ATP1A3: variants seen among roughly 807,000 people sequenced by gnomAD.
ATP1A3 encodes the protein ATPase Na+/K+ transporting subunit alpha 3.
A neutral mutation model predicts 108.8 loss-of-function variants in ATP1A3; 12 were observed. That is an observed-to-expected ratio of 0.11 (90% CI 0.07 to 0.18). The LOEUF is 0.18. Ranked by LOEUF, ATP1A3 falls within the 10% of genes least tolerant of loss-of-function variation. ATP1A3 has a pLI of 1.00. For synonymous variants in ATP1A3, 539 were observed against 564.5 expected (o/e 0.95, Z 0.64); for missense variants, 498 against 1,387.7 (o/e 0.36, Z 10.19).
rs1555863681 is a variant in ATP1A3, at chr19:41,982,005, T to G, written c.1095A>C (p.Ser365=). ...ETLGSTSTIC[S]DKTGTLTQNR... Reference sequence around the variant, plus strand: ...TCTGAGTGAGGGTCCCTGTCTTATCTGAGCAGATGGTGGACGTGGAGCCCA... The same window carrying G: ...TCTGAGTGAGGGTCCCTGTCTTATCGGAGCAGATGGTGGACGTGGAGCCCA... Residue 365 remains serine (S), a synonymous_variant, in exon 9 of 23, where the codon TCA becomes TCC. Coordinates refer to ENST00000648268, the MANE Select transcript of ATP1A3 (RefSeq NM_152296.5). 6.2e-7 allele frequency: 1 copy of G among 1,614,214 alleles called. No homozygotes were observed. Among genetic ancestry groups the G allele is most frequent in the Admixed American group, 1.7e-5 (1 of 60,014 alleles).
chr19:41,989,100 C>T (rs1372042135), intron 1 of ATP1A3, among the ~76,000 whole-genome samples: 1 of 151,900 alleles, frequency 6.6e-6, no homozygotes, highest in African/African-American at 2.4e-5. Context: ...CCACCACGCC[C>T]GGCTAATTTT....
In ATP1A3 at chr19:41,966,663, G is replaced by C. The variant is rs1337082813; in HGVS notation, c.*274C>G. On this transcript the variant is annotated 3_prime_UTR_variant, in exon 23 of 23. Transcript: ENST00000648268. ...CGGGGGGCTGAAGGGGAGTAAAAAAGAGCCCAGGGAGGTGGCTGGGGCGGG... is the reference window on the plus strand; with the variant it reads ...CGGGGGGCTGAAGGGGAGTAAAAAACAGCCCAGGGAGGTGGCTGGGGCGGG... 1 of 1,524,778 alleles carries C rather than the reference G, an allele frequency of 6.6e-7. No individual in the cohort carries two copies. The highest frequency in any genetic ancestry group is 2.0e-5 in the Admixed American group (1 of 50,032). 94.5% of individuals were successfully genotyped at this position (1,524,778 alleles called of 1,614,324 possible). A position where few individuals can be genotyped will look rare whatever the true frequency, so the allele number is the denominator to read the frequency against.
chr19:41,982,109 G>C lies in ATP1A3; in HGVS notation c.994-3C>G, dbSNP rs377256877. ...TTGGCGGTCAGCGTCAGACACACCT[G>C]GAGGACGAGCAAGGGCAGGCAAGTT... On this transcript the variant is annotated splice_region_variant and splice_polypyrimidine_tract_variant and intron_variant, in intron 8 of 22. Transcript: ENST00000648268. 138 of 1,614,174 alleles carry C rather than the reference G, an allele frequency of 8.5e-5. No individual in the cohort carries two copies. The African/African-American group carries it at 1.7e-3, about 20-fold the overall frequency.
rs782507989 is a variant in ATP1A3 at position 41,969,418 on chromosome 19, C to T, written c.2688+17G>A. 1.9e-6 allele frequency: 3 copies of T among 1,614,118 alleles called. No homozygotes were observed. Among genetic ancestry groups the T allele is most frequent in the Non-Finnish European group, 2.5e-6 (3 of 1,179,978 alleles). ...GATCTTACGGTGGGCAGAGACACAG[C>T]ACCCTGCCCTACTCACCCACTGCTG... On this transcript the variant is annotated intron_variant, in intron 19 of 22. Transcript: ENST00000648268.
Position 41,966,609 on chromosome 19 carries a change from A to AT in ATP1A3, c.*327_*328insA, listed in dbSNP as rs1168726885. 14 of 1,441,594 alleles carry AT rather than the reference A, an allele frequency of 9.7e-6. No individual in the cohort carries two copies. The highest frequency in any genetic ancestry group is 3.7e-6 in the Non-Finnish European group (4 of 1,077,642). The allele number at this position is 1,441,594 out of a possible 1,614,324, so 89.3% of individuals were successfully genotyped here. On this transcript the variant is annotated 3_prime_UTR_variant, in exon 23 of 23. Transcript: ENST00000648268. ...CTCTCTCCCCACTGATATATTTGAT[A>AT]ATTGTCCAGAACCAGAGATGGCATC...
intron 1 of ATP1A3, among the ~76,000 whole-genome samples, chr19:41,990,408 T>A (rs781807740): frequency 2.8e-4 from 41 of 145,778 alleles, no homozygotes; most frequent in Non-Finnish European, 5.4e-4. Flanking sequence ...TCCCCATATA[T>A]CTCTCATTCT....
At chr19:41,987,672 C>T (rs2075299379) in intron 4 of ATP1A3, among the ~76,000 whole-genome samples, 1 of 152,150 alleles carries the variant, frequency 6.6e-6, no homozygotes. Context: ...GGTGTCTGTT[C>T]TCAAGGCCGC....
chr19:41,967,511 G>C lies in ATP1A3; in HGVS notation c.2921+151C>G. On this transcript the variant is annotated intron_variant, in intron 21 of 22. Transcript: ENST00000648268. This position sits in a 1 kb window ranked among gnomAD's most constrained non-coding sequence, Gnocchi z 4.2. ...GGGTCTTCGGAGTAATCCGTGGTGGGAGCAGCCTATGGGGGAGGCTCGGGG... is the reference window on the plus strand; with the variant it reads ...GGGTCTTCGGAGTAATCCGTGGTGGCAGCAGCCTATGGGGGAGGCTCGGGG... 1.8e-6 allele frequency: 2 copies of C among 1,137,604 alleles called. No homozygotes were observed. The highest frequency in any genetic ancestry group is 2.5e-6 in the Non-Finnish European group (2 of 797,632). The allele number at this position is 1,137,604 out of a possible 1,614,324, so 70.5% of individuals were successfully genotyped here.
chr19:41,967,867 G>A lies in ATP1A3; in HGVS notation c.2820-104C>T, dbSNP rs2075060890. 1 of 951,416 alleles carries A rather than the reference G, an allele frequency of 1.1e-6. No homozygotes were observed. Among genetic ancestry groups the A allele is most frequent in the Admixed American group, 2.0e-5 (1 of 50,548 alleles). 58.9% of individuals were successfully genotyped at this position (951,416 alleles called of 1,614,324 possible). A position where few individuals can be genotyped will look rare whatever the true frequency, so the allele number is the denominator to read the frequency against. ...ACAGTGCAGACACCCAGAGACAGCA[G>A]CACAGACACAGAGACAGAGAGGCAG... On this transcript the variant is annotated intron_variant, in intron 20 of 22. Coordinates refer to ENST00000648268, the MANE Select transcript of ATP1A3 (RefSeq NM_152296.5). This position sits in a 1 kb window ranked among gnomAD's most constrained non-coding sequence, Gnocchi z 4.2.
intron 8 of ATP1A3, chr19:41,984,692 C>G: frequency 1.8e-6 from 1 of 544,584 alleles, no homozygotes; most frequent in South Asian, 2.7e-5. Context: ...CCCTCTGAGT[C>G]AGGCCCAAGT....
chr19:41,975,790 A>G lies in ATP1A3; in HGVS notation c.2102T>C (p.Ile701Thr), dbSNP rs782039187. Residue 701 changes from isoleucine (I) to threonine (T), a missense_variant, in exon 16 of 23, where the codon ATT becomes ACT. By Grantham distance (89) the Ile-to-Thr change is moderately conservative. Around this residue, in one of 9 missense-constraint regions of ATP1A3, gnomAD observed 121 missense variants for 425.1 expected, o/e 0.28. Coordinates refer to ENST00000648268, the MANE Select transcript of ATP1A3 (RefSeq NM_152296.5). ...IVEGCQRQGA[I>T]VAVTGDGVND... ...CACACCATCCCCGGTCACAGCCACA[A>G]TTGCACCCTGGAGGGAGAGAGGGTA... The G allele has an allele frequency of 5.6e-6, 9 of 1,613,782 alleles. No homozygotes were observed. Among genetic ancestry groups the G allele is most frequent in the African/African-American group, 2.7e-5 (2 of 74,830 alleles).
In ATP1A3 at chr19:41,985,824, C is replaced by T; in HGVS notation, c.606+40G>A. On this transcript the variant is annotated intron_variant, in intron 6 of 22. Transcript: ENST00000648268. The surrounding 1 kb of genome is among the most constrained non-coding windows in gnomAD (Gnocchi z 8.2). ...GGGCTGGGCCTGAGCTCCTGGGCAG[C>T]CCGAGGGAGGGTAAAGCCGGGCCCT... 6.2e-7 allele frequency: 1 copy of T among 1,610,590 alleles called. No homozygotes were observed. Among genetic ancestry groups the T allele is most frequent in the African/African-American group, 1.3e-5 (1 of 74,988 alleles).
intron 1 of ATP1A3, 160 bp downstream of exon 1, chr19:41,993,911 C>G (rs1369321852): frequency 7.3e-7 from 1 of 1,374,150 alleles, no homozygotes; most frequent in Non-Finnish European, 9.9e-7. Flanking sequence ...CCCCTGCGGC[C>G]CCACGACCAC....
rs1218528196 is a variant in ATP1A3 at position 41,967,569 on chromosome 19, G to C, written c.2921+93C>G. ...AATGGGGACTGCAGTGGGGACACCA[G>C]GGGAGGTGGGGCCTGAGGTTCAGGC... On this transcript the variant is annotated intron_variant, in intron 21 of 22. Coordinates refer to ENST00000648268, the MANE Select transcript of ATP1A3 (RefSeq NM_152296.5). The surrounding 1 kb of genome is among the most constrained non-coding windows in gnomAD (Gnocchi z 4.2). 7.3e-7 allele frequency: 1 copy of C among 1,371,348 alleles called. No individual in the cohort carries two copies. Among genetic ancestry groups the C allele is most frequent in the Admixed American group, 1.9e-5 (1 of 51,678 alleles). The allele number at this position is 1,371,348 out of a possible 1,614,324, so 84.9% of individuals were successfully genotyped here. A position where few individuals can be genotyped will look rare whatever the true frequency, so the allele number is the denominator to read the frequency against.
At chr19:41,976,265 C>A in intron 15 of ATP1A3, 151 bp downstream of exon 15, 1 of 1,124,500 alleles carries the variant, frequency 8.9e-7, no homozygotes, top group East Asian at 2.6e-5. Flanking sequence ...CCCTCAGACC[C>A]AGGAGTCCAG....
chr19:41,983,588 T>A lies in ATP1A3; in HGVS notation c.993+1330A>T, dbSNP rs182047457. 9.5e-3 allele frequency among the ~76,000 whole-genome samples: 1,369 copies of A among 144,282 alleles called. 12 individuals are homozygous for A. The highest frequency in any genetic ancestry group is 0.02 in the African/African-American group (803 of 39,580). 94.7% of individuals were successfully genotyped at this position (144,282 alleles called of 152,430 possible). On this transcript the variant is annotated intron_variant, in intron 8 of 22. Coordinates refer to ENST00000648268, the MANE Select transcript of ATP1A3 (RefSeq NM_152296.5). Reference sequence around the variant, plus strand: ...AATTTTTAAAAATAATAATAATAATTATTATTATTATAATAATTATTATTA... The same window carrying A: ...AATTTTTAAAAATAATAATAATAATAATTATTATTATAATAATTATTATTA...
Position 41,988,830 on chromosome 19 carries a change from C to T in ATP1A3, c.7-268G>A, listed in dbSNP as rs1555866483. 1.3e-5 allele frequency among the ~76,000 whole-genome samples: 2 copies of T among 152,172 alleles called. No individual in the cohort carries two copies. The highest frequency in any genetic ancestry group is 4.8e-5 in the African/African-American group (2 of 41,434). ...CTTCCCTGTCTCTGGTTCTGTGTGTCTCTGAGTCTCTGTCCCCGAAGGTCC... is the reference window on the plus strand; with the variant it reads ...CTTCCCTGTCTCTGGTTCTGTGTGTTTCTGAGTCTCTGTCCCCGAAGGTCC... On this transcript the variant is annotated intron_variant, in intron 1 of 22. Coordinates refer to ENST00000648268, the MANE Select transcript of ATP1A3 (RefSeq NM_152296.5). This position sits in a 1 kb window ranked among gnomAD's most constrained non-coding sequence, Gnocchi z 5.3.
Position 41,966,661 on chromosome 19 carries a change from A to G in ATP1A3, c.*276T>C. 2.0e-6 allele frequency: 3 copies of G among 1,522,220 alleles called. No individual in the cohort carries two copies. Among genetic ancestry groups the G allele is most frequent in the Non-Finnish European group, 2.7e-6 (3 of 1,129,214 alleles). The allele number at this position is 1,522,220 out of a possible 1,614,324, so 94.3% of individuals were successfully genotyped here. A position where few individuals can be genotyped will look rare whatever the true frequency, so the allele number is the denominator to read the frequency against. On this transcript the variant is annotated 3_prime_UTR_variant, in exon 23 of 23. Transcript: ENST00000648268. ...GCCGGGGGGCTGAAGGGGAGTAAAA[A>G]AGAGCCCAGGGAGGTGGCTGGGGCG...
At chr19:41,972,120 G>C (rs1555860053) in intron 16 of ATP1A3, among the ~76,000 whole-genome samples, 1 of 151,774 alleles carries the variant, frequency 6.6e-6, no homozygotes, top group Non-Finnish European at 1.5e-5. Flanking sequence ...CGTGGTGGTG[G>C]GCACCTGTAA....
Sources: gnomAD v4.1 joint callset for allele counts (sites outside exome capture counted in the v4.1 genomes callset) on GRCh38, gnomAD v4.1.1 for gene constraint, gnomAD v4.1.1 regional missense constraint, Gnocchi (gnomAD v3.1) non-coding constraint, MANE v1.5 for transcripts, NCBI Gene and HGNC (gene_info 2026-07-23, HGNC 2026-07-21) for gene names.